The following NRG3 variants were observed in gnomAD, a reference collection of about 807,000 sequenced individuals.
NRG3 encodes neuregulin 3.
NRG3 carries 31 observed loss-of-function variants against 66.9 expected under a neutral mutation model. The observed-to-expected ratio is 0.46, with a 90% CI of 0.35 to 0.63. The LOEUF is 0.63. Ranked by LOEUF, NRG3 falls within the 20% of genes least tolerant of loss-of-function variation. The probability of loss-of-function intolerance (pLI) is 0.00; values close to 1 mark genes in which losing one functional copy is unlikely to be tolerated. For synonymous variants in NRG3, 393 were observed against 359.4 expected (o/e 1.09, Z -1.06); for missense variants, 910 against 878.9 (o/e 1.04, Z -0.45).
intron 1 of NRG3, among the ~76,000 whole-genome samples, chr10:82,220,955 G>T (rs1360940): frequency 0.045 from 6,837 of 152,218 alleles, 189 homozygotes; most frequent in Middle Eastern, 0.13. Context: ...TCACATGCCA[G>T]CCTGGGTGAC....
At chr10:82,757,838 C>G (rs1412624712) in intron 3 of NRG3, among the ~76,000 whole-genome samples, 1 of 151,794 alleles carries the variant, frequency 6.6e-6, no homozygotes, top group African/African-American at 2.4e-5. Context: ...TTTTAAATTT[C>G]TTAACAAATT....
intron 2 of NRG3, among the ~76,000 whole-genome samples, chr10:82,371,492 G>A (rs1277174647): frequency 2.0e-5 from 3 of 152,138 alleles, no homozygotes; most frequent in African/African-American, 4.8e-5. Flanking sequence ...CTGTAAAGTG[G>A]TAAGAATATA....
intron 2 of NRG3, among the ~76,000 whole-genome samples, chr10:82,468,248 G>A (rs1840878474): frequency 6.6e-6 from 1 of 152,212 alleles, no homozygotes; most frequent in South Asian, 2.1e-4. Flanking sequence ...CAAGAAGGAG[G>A]AGGTTAGCAG....
intron 1 of NRG3, among the ~76,000 whole-genome samples, chr10:81,911,063 T>C (rs1289845402): frequency 5.3e-5 from 8 of 152,198 alleles, no homozygotes; most frequent in African/African-American, 1.9e-4. Flanking sequence ...TGCCAGCAGA[T>C]TTTTTTGTCT....
At chr10:82,925,988 T>C (rs1242415068) in intron 4 of NRG3, among the ~76,000 whole-genome samples, 1 of 152,158 alleles carries the variant, frequency 6.6e-6, no homozygotes, top group Admixed American at 6.5e-5. Flanking sequence ...GAGATTGTTT[T>C]AAAGGTTTAG....
chr10:82,542,832 G>A (rs1381725053), intron 2 of NRG3, among the ~76,000 whole-genome samples: 1 of 151,964 alleles, frequency 6.6e-6, no homozygotes, highest in Non-Finnish European at 1.5e-5. Context: ...TTTCCAGGTT[G>A]AAGGAGACTA....
At chr10:81,911,169 T>C (rs535765447) in intron 1 of NRG3, among the ~76,000 whole-genome samples, 251 of 152,364 alleles carry the variant, frequency 1.6e-3, no homozygotes, top group Non-Finnish European at 3.3e-3. Context: ...CTGCTATGTC[T>C]TTATTAGCAA....
intron 3 of NRG3, among the ~76,000 whole-genome samples, chr10:82,801,969 A>G (rs1245112410): frequency 6.6e-6 from 1 of 152,180 alleles, no homozygotes; most frequent in Non-Finnish European, 1.5e-5. Context: ...ACCAGTTTTC[A>G]TTTTAGGAAT....
chr10:82,528,556 C>A (rs555677859), intron 2 of NRG3, among the ~76,000 whole-genome samples: 2 of 152,212 alleles, frequency 1.3e-5, no homozygotes, highest in South Asian at 4.2e-4. Context: ...ATAAAAGACT[C>A]CTGGACTTAT....
intron 3 of NRG3, among the ~76,000 whole-genome samples, chr10:82,833,352 T>C (rs1483710142): frequency 6.6e-6 from 1 of 152,114 alleles, no homozygotes; most frequent in Non-Finnish European, 1.5e-5. Flanking sequence ...TCTAGGAAGA[T>C]AGGGAGTCTC....
At chr10:81,892,204 A>C (rs768603451) in intron 1 of NRG3, among the ~76,000 whole-genome samples, 22 of 152,026 alleles carry the variant, frequency 1.4e-4, no homozygotes, top group Non-Finnish European at 2.6e-4. Flanking sequence ...TGCTATTGCC[A>C]AGTGTGTGTG....
intron 1 of NRG3, among the ~76,000 whole-genome samples, chr10:81,898,701 T>A (rs926479794): frequency 7.9e-5 from 11 of 138,650 alleles, no homozygotes; most frequent in Non-Finnish European, 1.6e-4. Context: ...TTTGAAGAGT[T>A]TTTTTTTTTT....
At position 82,126,057 on chromosome 10, in the gene NRG3, AT is replaced by A. The variant is rs1350323107; in HGVS notation, c.824-232680del. Among the ~76,000 whole-genome samples, 5 of 152,178 alleles carry A rather than the reference AT, an allele frequency of 3.3e-5. 1 individual carries two copies. Among genetic ancestry groups the A allele is most frequent in the Non-Finnish European group, 7.4e-5 (5 of 67,988 alleles). On this transcript the variant is annotated intron_variant, in intron 1 of 8. Transcript: ENST00000372141. ...AGAGTGAAGGGAGCAACTACTGATAATTATTCCAGGACTATCGCCATAGAAA... is the reference window on the plus strand; with the variant it reads ...AGAGTGAAGGGAGCAACTACTGATAATATTCCAGGACTATCGCCATAGAAA...
chr10:82,572,922 G>A lies in NRG3; in HGVS notation c.954-165655G>A, dbSNP rs564898488. ...CACATGTAAGAATTCTGCTTATCTGGCATTCAATTTGATGCCAAGGTGCAG... is the reference window on the plus strand; with the variant it reads ...CACATGTAAGAATTCTGCTTATCTGACATTCAATTTGATGCCAAGGTGCAG... On this transcript the variant is annotated intron_variant, in intron 2 of 8. Coordinates refer to ENST00000372141, the MANE Select transcript of NRG3 (RefSeq NM_001010848.4). Among the ~76,000 whole-genome samples, 4 of 151,834 alleles carry A rather than the reference G, an allele frequency of 2.6e-5. No individual in the cohort carries two copies. The South Asian group carries it at 6.2e-4, about 24-fold the overall frequency.
intron 1 of NRG3, among the ~76,000 whole-genome samples, chr10:82,225,143 G>T (rs575342867): frequency 7.2e-5 from 11 of 152,128 alleles, no homozygotes; most frequent in African/African-American, 2.6e-4. Context: ...GACCACAAAA[G>T]ATAAGTAAAA....
chr10:82,081,167 CA>C (rs1474304205), intron 1 of NRG3, among the ~76,000 whole-genome samples: 2 of 152,144 alleles, frequency 1.3e-5, no homozygotes, highest in Non-Finnish European at 1.5e-5. Flanking sequence ...GATGATCTGA[CA>C]TCCCACGGTT....
At chr10:82,144,164 A>G (rs2070055946) in intron 1 of NRG3, among the ~76,000 whole-genome samples, 1 of 151,548 alleles carries the variant, frequency 6.6e-6, no homozygotes. Context: ...ATAAAATTTG[A>G]CTCTTATGAC....
At chr10:82,187,610 C>T (rs1304032577) in intron 1 of NRG3, among the ~76,000 whole-genome samples, 1 of 151,644 alleles carries the variant, frequency 6.6e-6, no homozygotes, top group East Asian at 1.9e-4. Flanking sequence ...ATTTTTTTTG[C>T]GGGGAAGAGG....
intron 2 of NRG3, among the ~76,000 whole-genome samples, chr10:82,586,624 G>C (rs2046686127): frequency 6.6e-6 from 1 of 152,176 alleles, no homozygotes; most frequent in Non-Finnish European, 1.5e-5. Context: ...GCTTAGAACA[G>C]TACTTGGTGT....
Sources: gnomAD v4.1 joint callset for allele counts (sites outside exome capture counted in the v4.1 genomes callset) on GRCh38, gnomAD v4.1.1 for gene constraint, MANE v1.5 for transcripts, NCBI Gene and HGNC (gene_info 2026-07-23, HGNC 2026-07-21) for gene names.